Variants in USP9X observed in about 807,000 individuals in gnomAD.
USP9X encodes ubiquitin specific peptidase 9 X-linked.
USP9X carries 7 observed loss-of-function variants against 190.3 expected under a neutral mutation model. The observed-to-expected ratio is 0.04, with a 90% confidence interval of 0.02 to 0.07. The LOEUF (loss-of-function observed/expected upper bound fraction) is 0.07. Ranked by LOEUF, USP9X falls within the 10% of genes least tolerant of loss-of-function variation. The pLI is 1.00. For missense variants in USP9X, 1,010 were observed against 1,916.9 expected (o/e 0.53, Z 8.83); for synonymous variants, 645 against 659.5 (o/e 0.98, Z 0.34).
intron 1 of USP9X, among the ~76,000 whole-genome samples, chrX:41,121,528 G>T (rs1250266467): frequency 5.4e-5 from 6 of 111,791 alleles, no homozygotes; most frequent in African/African-American, 2.0e-4. Flanking sequence ...AAGCCCCCAG[G>T]TAAGTTTTAT....
chrX:41,145,126 TGAAAGCTCAAGTGG>T (rs1235025520), intron 11 of USP9X, among the ~76,000 whole-genome samples: 1 of 111,837 alleles, frequency 8.9e-6, no homozygotes, highest in Non-Finnish European at 1.9e-5. Flanking sequence ...GTTAGGTTTG[TGAAAGCTCAAGTGG>T]TTAGTGAATT....
intron 23 of USP9X, among the ~76,000 whole-genome samples, chrX:41,184,965 A>G (rs2062860635): frequency 1.8e-5 from 2 of 112,150 alleles, no homozygotes; most frequent in Admixed American, 1.9e-4. Flanking sequence ...TGGTAGATAT[A>G]TAAAGACACA....
chrX:41,152,895 G>C, intron 13 of USP9X, 53 bp from the exon 14 acceptor site: 1 of 1,158,925 alleles, frequency 8.6e-7, no homozygotes, highest in South Asian at 2.1e-5. Flanking sequence ...AACTCTTCTG[G>C]TTACAACAGA....
Position 41,224,960 on chromosome X carries a change from C to A in USP9X, c.6970C>A (p.Gln2324Lys). 8.3e-7 allele frequency: 1 copy of A among 1,210,829 alleles called. No individual in the cohort carries two copies. Among genetic ancestry groups the A allele is most frequent in the Non-Finnish European group, 1.1e-6 (1 of 894,617 alleles). ...TACTGTCCTCAGTGAACTTCTCTGG[C>A]AGGTAAAAGGAAAATAACATTTGTA... ...SSTVLSELLW[Q>K]VAYSYTYELR... The change falls in exon 40 of 45, where the codon CAG becomes AAG. Residue 2324 changes from glutamine to lysine, a missense_variant and splice_region_variant. Physicochemically the swap from Gln to Lys is moderately conservative, Grantham distance 53. Around this residue, in one of 11 missense-constraint regions of USP9X, gnomAD observed 121 missense variants for 281.2 expected, o/e 0.43. Coordinates refer to ENST00000378308, the MANE Select transcript of USP9X (RefSeq NM_001039591.3).
Position 41,170,630 on chromosome X carries a change from A to G in USP9X, c.3027+11A>G. 1 of 1,202,915 alleles carries G rather than the reference A, an allele frequency of 8.3e-7. No individual in the cohort carries two copies. The highest frequency in any genetic ancestry group is 1.1e-6 in the Non-Finnish European group (1 of 890,209). On this transcript the variant is annotated intron_variant, in intron 20 of 44. Coordinates refer to ENST00000378308, the MANE Select transcript of USP9X (RefSeq NM_001039591.3). Reference sequence around the variant, plus strand: ...TGTTTGCCTGGAGTGGTGAGTAGATACAGTTTTGAACTACTGTATGTAAGG... The same window carrying G: ...TGTTTGCCTGGAGTGGTGAGTAGATGCAGTTTTGAACTACTGTATGTAAGG...
intron 3 of USP9X, 35 bp downstream of exon 3, chrX:41,129,180 G>A: frequency 8.4e-7 from 1 of 1,185,413 alleles, no homozygotes; most frequent in Non-Finnish European, 1.1e-6. Context: ...AAAGAGAGCA[G>A]ACAGGAAAGT....
chrX:41,096,365 A>G (rs1208439260), intron 1 of USP9X, among the ~76,000 whole-genome samples: 1 of 112,592 alleles, frequency 8.9e-6, no homozygotes, highest in African/African-American at 3.2e-5. Context: ...TTTGGAGGTT[A>G]GCTTTACTAT....
Position 41,232,451 on chromosome X carries a change from G to T in USP9X, c.7592G>T (p.Arg2531Ile), listed in dbSNP as rs1219247759. 8.3e-7 allele frequency: 1 copy of T among 1,209,322 alleles called. No homozygotes were observed. The highest frequency in any genetic ancestry group is 1.1e-6 in the Non-Finnish European group (1 of 895,085). The change falls in exon 45 of 45, where the codon AGA becomes ATA. Residue 2531 changes from arginine to isoleucine, a missense_variant. Physicochemically the swap from Arg to Ile is moderately conservative, Grantham distance 97. Coordinates refer to ENST00000378308, the MANE Select transcript of USP9X (RefSeq NM_001039591.3). ...GCACATCACATGAACAACCCTCAGA[G>T]AACTGGCCAACGAGCACAAGAAAAT... is the stretch of plus-strand genomic sequence containing the variant. Reference protein sequence around the residue: ...PAAHHMNNPQRTGQRAQENYE... With the variant: ...PAAHHMNNPQITGQRAQENYE...
At chrX:41,092,774 C>T (rs146558888) in intron 1 of USP9X, among the ~76,000 whole-genome samples, 6 of 111,390 alleles carry the variant, frequency 5.4e-5, no homozygotes, top group Non-Finnish European at 9.4e-5. Context: ...AAATTGATTG[C>T]AGACGTTCTG....
chrX:41,093,860 A>G (rs749748193), intron 1 of USP9X, among the ~76,000 whole-genome samples: 16 of 111,579 alleles, frequency 1.4e-4, no homozygotes, highest in African/African-American at 5.2e-4. Flanking sequence ...AAGTTTCTGT[A>G]CTCTGTGAGT....
chrX:41,164,978 A>C (rs1350527273), intron 15 of USP9X, among the ~76,000 whole-genome samples: 1 of 111,798 alleles, frequency 8.9e-6, no homozygotes, highest in African/African-American at 3.3e-5. Context: ...TATATATCAG[A>C]TTCCAAATGG....
chrX:41,178,798 T>C (rs898143933), intron 21 of USP9X, among the ~76,000 whole-genome samples: 1 of 112,252 alleles, frequency 8.9e-6, no homozygotes, highest in Non-Finnish European at 1.9e-5. Flanking sequence ...ACTAATGACA[T>C]GAAACATTTC....
Position 41,232,684 on chromosome X carries a change from A to G in USP9X, c.*160A>G, listed in dbSNP as rs1416716402. The G allele has an allele frequency of 8.9e-6, 6 of 673,323 alleles. No individual in the cohort carries two copies. The highest frequency in any genetic ancestry group is 2.2e-5 in the African/African-American group (1 of 45,021). 55.5% of individuals were successfully genotyped at this position (673,323 alleles called of 1,213,427 possible). A position where few individuals can be genotyped will look rare whatever the true frequency, so the allele number is the denominator to read the frequency against. On this transcript the variant is annotated 3_prime_UTR_variant, in exon 45 of 45. Coordinates refer to ENST00000378308, the MANE Select transcript of USP9X (RefSeq NM_001039591.3). ...TCTTATCTGCAGAAATTTGCTGTCA[A>G]TATATAACCCGCCTGCAGTGGAAAG...
chrX:41,125,619 C>T (rs187549132), intron 2 of USP9X, among the ~76,000 whole-genome samples: 5 of 101,413 alleles, frequency 4.9e-5, no homozygotes, highest in Admixed American at 3.2e-4. Context: ...TGGCTTTACT[C>T]CCTCCCCCCA....
intron 38 of USP9X, among the ~76,000 whole-genome samples, chrX:41,220,220 TACAC>T (rs768502435): frequency 2.7e-5 from 3 of 112,126 alleles, no homozygotes; most frequent in African/African-American, 9.7e-5. Flanking sequence ...GAATATTTAT[TACAC>T]AGACAAGCAT....
At chrX:41,146,331 T>C (rs1308232336) in intron 11 of USP9X, among the ~76,000 whole-genome samples, 3 of 112,184 alleles carry the variant, frequency 2.7e-5, no homozygotes, top group Non-Finnish European at 3.8e-5. Context: ...GCAATTCTTA[T>C]GGAGTGTTGA....
chrX:41,183,135 C>G (rs182577148), intron 21 of USP9X, among the ~76,000 whole-genome samples: 2 of 110,247 alleles, frequency 1.8e-5, no homozygotes, highest in Non-Finnish European at 3.8e-5. Flanking sequence ...GATGGGGTTT[C>G]ATCATGTTGG....
At chrX:41,094,184 C>CTT (rs56901756) in intron 1 of USP9X, among the ~76,000 whole-genome samples, 1 of 100,091 alleles carries the variant, frequency 1.0e-5, no homozygotes. Flanking sequence ...TTTCTTTTTT[C>CTT]TTTTTTTTTG....
intron 4 of USP9X, among the ~76,000 whole-genome samples, chrX:41,132,428 C>T (rs1369243982): frequency 9.3e-6 from 1 of 107,535 alleles, no homozygotes; most frequent in Non-Finnish European, 1.9e-5. Flanking sequence ...CTCAGCCTCC[C>T]GAGTAGCTGG....
Sources: allele counts gnomAD v4.1 joint callset (sites outside exome capture counted in the v4.1 genomes callset), GRCh38; gene constraint gnomAD v4.1.1; regional missense constraint gnomAD v4.1.1; transcripts MANE v1.5; gene names NCBI Gene and HGNC (gene_info 2026-07-23, HGNC 2026-07-21).